Variants in RIMS1 observed in about 807,000 individuals in gnomAD.
RIMS1 encodes the protein regulating synaptic membrane exocytosis 1.
RIMS1 carries 83 observed loss-of-function variants against 214.1 expected under a neutral mutation model. That is an observed-to-expected ratio of 0.39 (90% confidence interval 0.32 to 0.47). RIMS1 has a LOEUF of 0.47. Among genes scored for constraint, RIMS1 ranks in the 20% least tolerant of loss-of-function variants. The pLI, the probability that RIMS1 is intolerant of heterozygous loss-of-function variation, is 0.99. For synonymous variants in RIMS1, 793 were observed against 786.8 expected, an observed-to-expected ratio of 1.01 and a Z score of -0.13; for missense variants, 2,050 against 2,161.8, an observed-to-expected ratio of 0.95 and a Z score of 1.03.
intron 28 of RIMS1, among the ~76,000 whole-genome samples, chr6:72,329,946 G>C (rs1357266480): frequency 6.6e-6 from 1 of 151,712 alleles, no homozygotes; most frequent in African/African-American, 2.4e-5. Context: ...CTGAGTACAA[G>C]GTGCAGGAAA....
intron 29 of RIMS1, among the ~76,000 whole-genome samples, chr6:72,386,466 C>T (rs1444849909): frequency 6.6e-6 from 1 of 152,166 alleles, no homozygotes; most frequent in African/African-American, 2.4e-5. Context: ...GACCTGTGCA[C>T]TACTTGCAAG....
intron 29 of RIMS1, among the ~76,000 whole-genome samples, chr6:72,370,235 G>T (rs781611831): frequency 1.3e-5 from 2 of 152,184 alleles, no homozygotes; most frequent in East Asian, 3.9e-4. Flanking sequence ...AGAGGCTAGT[G>T]GTTTTATTGT....
At chr6:72,087,014 GTTGT>G (rs1423569002) in intron 2 of RIMS1, among the ~76,000 whole-genome samples, 6 of 152,142 alleles carry the variant, frequency 3.9e-5, no homozygotes, top group Non-Finnish European at 7.4e-5. Context: ...AAAGAAGGAG[GTTGT>G]TTGTTCGTTT....
intron 19 of RIMS1, chr6:72,261,660 A>C (rs1398466140): frequency 3.9e-5 from 38 of 985,232 alleles, no homozygotes; most frequent in Non-Finnish European, 4.6e-5. Flanking sequence ...AGAAAGAAAG[A>C]GGTATTACCG....
intron 4 of RIMS1, among the ~76,000 whole-genome samples, chr6:72,133,216 T>C (rs1348853729): frequency 6.8e-6 from 1 of 147,412 alleles, no homozygotes; most frequent in Non-Finnish European, 1.5e-5. Flanking sequence ...CTCTCTCTTT[T>C]TTTTCTTTTC....
At chr6:71,990,243 A>G (rs1801191573) in intron 2 of RIMS1, among the ~76,000 whole-genome samples, 1 of 152,152 alleles carries the variant, frequency 6.6e-6, no homozygotes, top group Non-Finnish European at 1.5e-5. Flanking sequence ...AATCTTCACT[A>G]ACAACATCTT....
chr6:72,039,366 A>C (rs944306919), intron 2 of RIMS1, among the ~76,000 whole-genome samples: 3 of 152,114 alleles, frequency 2.0e-5, no homozygotes, highest in Non-Finnish European at 4.4e-5. Context: ...AGAAAATGTT[A>C]ATTTTTTTCT....
intron 28 of RIMS1, among the ~76,000 whole-genome samples, chr6:72,327,381 A>G (rs1452270900): frequency 6.6e-6 from 1 of 151,778 alleles, no homozygotes; most frequent in African/African-American, 2.4e-5. Flanking sequence ...ATTTCATTGT[A>G]TGGATTTAAC....
At chr6:72,128,153 C>G (rs1215478317) in intron 4 of RIMS1, among the ~76,000 whole-genome samples, 5 of 152,058 alleles carry the variant, frequency 3.3e-5, no homozygotes, top group African/African-American at 1.2e-4. Context: ...CGCTATCTTC[C>G]TGGATGATTG....
chr6:72,184,172 A>G (rs2463729), intron 6 of RIMS1, among the ~76,000 whole-genome samples: 152,295 of 152,318 alleles, frequency 1, 76,136 homozygotes, highest in Middle Eastern at 1. Context: ...TGTTTAGTGC[A>G]ATACCATTAA....
chr6:72,134,123 CA>C (rs2040890004), intron 4 of RIMS1, among the ~76,000 whole-genome samples: 1 of 151,992 alleles, frequency 6.6e-6, no homozygotes, highest in African/African-American at 2.4e-5. Context: ...CCTTTAAAGA[CA>C]ATACTGCAGA....
At chr6:72,328,101 A>G (rs1361015117) in intron 28 of RIMS1, among the ~76,000 whole-genome samples, 1 of 151,476 alleles carries the variant, frequency 6.6e-6, no homozygotes, top group Non-Finnish European at 1.5e-5. Flanking sequence ...TGTGGCACAT[A>G]TACACCATGG....
intron 2 of RIMS1, among the ~76,000 whole-genome samples, chr6:72,038,818 C>T (rs1820635431): frequency 2.0e-5 from 3 of 152,084 alleles, no homozygotes; most frequent in African/African-American, 4.8e-5. Flanking sequence ...ATCCAAGGCT[C>T]TTATGTGGTT....
intron 2 of RIMS1, among the ~76,000 whole-genome samples, chr6:72,090,645 A>G (rs1835957019): frequency 6.6e-6 from 1 of 152,206 alleles, no homozygotes; most frequent in African/African-American, 2.4e-5. Context: ...TTTAACTGTA[A>G]AACTATATGA....
chr6:72,321,549 T>G (rs1267951041), intron 28 of RIMS1, among the ~76,000 whole-genome samples: 1 of 152,064 alleles, frequency 6.6e-6, no homozygotes, highest in Non-Finnish European at 1.5e-5. Context: ...TTTACACCAT[T>G]ATCCACCCAG....
intron 6 of RIMS1, among the ~76,000 whole-genome samples, chr6:72,185,388 C>A (rs1234037842): frequency 1.3e-5 from 2 of 151,696 alleles, no homozygotes; most frequent in Non-Finnish European, 2.9e-5. Context: ...ACTTCACTGG[C>A]AAATCAAGGA....
At chr6:72,067,879 T>G (rs931884017) in intron 2 of RIMS1, among the ~76,000 whole-genome samples, 9 of 152,236 alleles carry the variant, frequency 5.9e-5, no homozygotes, top group African/African-American at 2.2e-4. Context: ...AAAATCTATT[T>G]ATATATTCCT....
At chr6:72,257,197 G>T (rs867497771) in intron 16 of RIMS1, among the ~76,000 whole-genome samples, 2 of 148,278 alleles carry the variant, frequency 1.3e-5, no homozygotes, top group African/African-American at 2.5e-5. Context: ...TGTAAATATA[G>T]TTTTTTTTTT....
chr6:72,327,277 T>C lies in RIMS1; in HGVS notation c.4131-6323T>C, dbSNP rs186686725. 9.2e-5 allele frequency among the ~76,000 whole-genome samples: 14 copies of C among 151,964 alleles called. No homozygotes were observed. The East Asian group carries it at 2.7e-3, about 30-fold the overall frequency. On this transcript the variant is annotated intron_variant, in intron 28 of 33. Transcript: ENST00000521978. ...CATACCAAATCATATGTGTAATTTA[T>C]AATGTGGACCAAAGTGTTATTACCA... is the stretch of plus-strand genomic sequence containing the variant.
Sources: gnomAD v4.1 joint callset for allele counts (sites outside exome capture counted in the v4.1 genomes callset) on GRCh38, gnomAD v4.1.1 for gene constraint, MANE v1.5 for transcripts, NCBI Gene and HGNC (gene_info 2026-07-23, HGNC 2026-07-21) for gene names.